Variants in OR4Q3 observed in about 807,000 individuals in gnomAD.
OR4Q3 encodes the protein olfactory receptor family 4 subfamily Q member 3.
Under a neutral mutation model 18.8 loss-of-function variants are expected in OR4Q3, and 17 were observed. That is an observed-to-expected ratio of 0.91 (90% CI 0.62 to 1.36). The LOEUF is 1.36. Among genes scored for constraint, OR4Q3 ranks in the 40% most tolerant of loss-of-function variants. The probability of loss-of-function intolerance (pLI) is 0.00; values close to 1 mark genes in which losing one functional copy is unlikely to be tolerated. For missense variants in OR4Q3, 378 were observed against 373.4 expected, an observed-to-expected ratio of 1.01 and a Z score of -0.10; for synonymous variants, 158 against 145.8, an observed-to-expected ratio of 1.08 and a Z score of -0.60.
At chr14:19,749,464 G>A in exon 2 of OR4Q3, 1 of 152,812 alleles carries the variant, frequency 6.5e-6, no homozygotes, top group African/African-American at 2.4e-5. Flanking sequence ...CGGACGTGGT[G>A]TTGCATGCCT....
At chr14:19,743,709 C>T (rs997224616) in intron 1 of OR4Q3, 38 bp downstream of exon 1, 3 of 152,326 alleles carry the variant, frequency 2.0e-5, no homozygotes, top group Admixed American at 2.0e-4. Context: ...AACTCCCCTC[C>T]CCTTCCTGCT....
chr14:19,747,547 G>A, exon 2 of OR4Q3: 2 of 1,613,604 alleles, frequency 1.2e-6, no homozygotes, highest in East Asian at 4.5e-5. Context: ...CTATTGTCCT[G>A]GGAAACCTCT....
downstream of OR4Q3, among the ~76,000 whole-genome samples, chr14:19,749,847 CTTCTTTCTTTCTTTCT>C: frequency 0.045 from 5,009 of 112,270 alleles, 80 homozygotes; most frequent in Admixed American, 0.093. Context: ...ATACAGATTA[CTTCTTTCTTTCTTTCT>C]TTCTTTCTTT....
chr14:19,747,568 A>G lies in OR4Q3; in HGVS notation c.165A>G (p.Val55=). ...TCCTGGGAAACCTCTTGATAGTGGT[A>G]ACAGTGCAAGCCCATGCTCACCTGC... Residue 55 remains valine, a synonymous_variant, in exon 2 of 2, where the codon GTA becomes GTG. Transcript: ENST00000642117. 2,642 of 1,613,626 alleles carry G rather than the reference A, an allele frequency of 1.6e-3. 24 individuals carry two copies. Among genetic ancestry groups the G allele is most frequent in the Non-Finnish European group, 6.8e-4 (797 of 1,179,788 alleles).
downstream of OR4Q3, among the ~76,000 whole-genome samples, chr14:19,749,858 C>A: frequency 9.1e-4 from 9 of 9,846 alleles, no homozygotes; most frequent in Non-Finnish European, 3.9e-3. Context: ...TTCTTTCTTT[C>A]TTTCTTTCTT....
chr14:19,747,603 C>T, exon 2 of OR4Q3: 8 of 1,613,884 alleles, frequency 5.0e-6, no homozygotes, highest in African/African-American at 1.3e-5. Flanking sequence ...CTCCAATCTC[C>T]TATGTATTAT....
At chr14:19,751,058 G>A, downstream of OR4Q3, among the ~76,000 whole-genome samples, 17 of 152,346 alleles carry the variant, frequency 1.1e-4, no homozygotes, top group South Asian at 3.3e-3. Flanking sequence ...TAAGCCAGCT[G>A]CAACATCCCT....
Position 19,748,283 on chromosome 14 carries a change from CT to C in OR4Q3, c.881del (p.Leu294ProfsTer10). On this transcript the variant is annotated frameshift_variant, in exon 2 of 2. Transcript: ENST00000642117. LOFTEE classifies it high-confidence loss of function. ...AGTGATTACACCTATGTTGAACCCC[CT>C]CATCTACACACTCAGAAATACTGAT... 7 of 1,508,370 alleles carry C rather than the reference CT, an allele frequency of 4.6e-6. No homozygotes were observed. The highest frequency in any genetic ancestry group is 5.3e-6 in the Non-Finnish European group (6 of 1,123,290). 93.4% of individuals were successfully genotyped at this position (1,508,370 alleles called of 1,614,324 possible). A position where few individuals can be genotyped will look rare whatever the true frequency, so the allele number is the denominator to read the frequency against.
At chr14:19,746,073 TA>T in intron 1 of OR4Q3, among the ~76,000 whole-genome samples, 1 of 151,990 alleles carries the variant, frequency 6.6e-6, no homozygotes. Flanking sequence ...AGAATTTAAG[TA>T]CTTTTCTGCA....
intron 1 of OR4Q3, among the ~76,000 whole-genome samples, chr14:19,744,239 T>C (rs374526510): frequency 1.4e-4 from 22 of 152,296 alleles, no homozygotes; most frequent in Non-Finnish European, 2.9e-4. Flanking sequence ...ATGCATCAAA[T>C]GTGTCTAAAA....
intron 1 of OR4Q3, among the ~76,000 whole-genome samples, chr14:19,746,823 TA>T: frequency 6.6e-6 from 1 of 152,202 alleles, no homozygotes; most frequent in Admixed American, 6.5e-5. Context: ...TTCGATTTGA[TA>T]AATTATTGAG....
downstream of OR4Q3, among the ~76,000 whole-genome samples, chr14:19,750,451 T>C: frequency 1.6e-4 from 25 of 152,366 alleles, no homozygotes; most frequent in Admixed American, 2.6e-4. Context: ...TATAATAAGA[T>C]AATGACAAAC....
intron 1 of OR4Q3, among the ~76,000 whole-genome samples, chr14:19,745,822 T>A: frequency 6.6e-6 from 1 of 152,206 alleles, no homozygotes; most frequent in Non-Finnish European, 1.5e-5. Flanking sequence ...CTTGTATTTC[T>A]TTCTTTGTTT....
chr14:19,749,861 T>TCTTC, downstream of OR4Q3, among the ~76,000 whole-genome samples: 2 of 35,636 alleles, frequency 5.6e-5, no homozygotes, highest in Admixed American at 3.3e-4. Context: ...TTTCTTTCTT[T>TCTTC]CTTTCTTTCT....
At chr14:19,745,837 T>C in intron 1 of OR4Q3, among the ~76,000 whole-genome samples, 2 of 152,174 alleles carry the variant, frequency 1.3e-5, no homozygotes, top group East Asian at 1.9e-4. Flanking sequence ...TTGTTTTATT[T>C]TCCAATTGAC....
chr14:19,750,570 A>T, downstream of OR4Q3, among the ~76,000 whole-genome samples: 2 of 152,152 alleles, frequency 1.3e-5, no homozygotes, highest in South Asian at 4.1e-4. Flanking sequence ...AATGTCTGAA[A>T]CTCCATCTAA....
exon 2 of OR4Q3, chr14:19,748,395 A>G: frequency 6.6e-7 from 1 of 1,518,320 alleles, no homozygotes; most frequent in Non-Finnish European, 9.0e-7. Context: ...GGTGATTTGA[A>G]AAACACACTC....
At chr14:19,748,438 T>C in exon 2 of OR4Q3, 2 of 1,221,074 alleles carry the variant, frequency 1.6e-6, no homozygotes, top group African/African-American at 1.5e-5. Flanking sequence ...ATCTTGTACA[T>C]GGGTAAAAAC....
intron 1 of OR4Q3, among the ~76,000 whole-genome samples, chr14:19,746,229 G>C: frequency 6.6e-6 from 1 of 151,942 alleles, no homozygotes; most frequent in African/African-American, 2.4e-5. Flanking sequence ...TTTGTCTATA[G>C]CTGGTTTTAG....
Sources: allele counts gnomAD v4.1 joint callset (sites outside exome capture counted in the v4.1 genomes callset), GRCh38; gene constraint gnomAD v4.1.1; transcripts MANE v1.5; gene names NCBI Gene and HGNC (gene_info 2026-07-23, HGNC 2026-07-21).